CPLANE1: variants seen among roughly 807,000 people sequenced by gnomAD.
The protein encoded by CPLANE1 is ciliogenesis and planar polarity effector 1.
CPLANE1 carries 263 observed loss-of-function variants against 362.5 expected under a neutral mutation model. The observed-to-expected ratio is 0.73, with a 90% CI of 0.66 to 0.80. The LOEUF (loss-of-function observed/expected upper bound fraction) is 0.80, where lower values mean the gene tolerates loss of function less well. CPLANE1 is among the 30% of genes least tolerant of loss of function. The pLI is 0.00. For missense variants in CPLANE1, 3,461 were observed against 3,793.4 expected, an observed-to-expected ratio of 0.91 and a Z score of 2.30; for synonymous variants, 1,212 against 1,302.6, an observed-to-expected ratio of 0.93 and a Z score of 1.50.
At position 37,122,688 on chromosome 5, in the gene CPLANE1, C is replaced by T. The variant is rs10078858; in HGVS notation, c.8959-200G>A. Among the ~76,000 whole-genome samples, 2,106 of 152,000 alleles carry T rather than the reference C, an allele frequency of 0.014. 52 individuals carry two copies. The highest frequency in any genetic ancestry group is 0.048 in the African/African-American group (1,973 of 41,490). On this transcript the variant is annotated intron_variant, in intron 47 of 52. Transcript: ENST00000651892. ...ACCAATTTAGGGAGGCTGCGGCGGG[C>T]GGATCACCTGAGGTCAGGAGTTCAT...
rs144467995 is a variant in CPLANE1, at chr5:37,108,460, G to C, written c.9412C>G (p.Pro3138Ala). Residue 3138 changes from proline to alanine, a missense_variant, in exon 52 of 53, where the codon CCG becomes GCG. Pro to Ala is a conservative substitution (Grantham distance 27). This residue lies in a region of CPLANE1 where 3,380 missense variants were observed against 3,666.1 expected (regional missense o/e 0.92). Transcript: ENST00000651892. ...TTTGTATGCTGCAGACTATGACACG[G>C]AGCATTAGAGCCTTTTAAGGGATAA... ...PVTFQKGSNA[P>A]CHSLQHTKKH... 83 of 1,612,404 alleles carry C rather than the reference G, an allele frequency of 5.1e-5. No individual in the cohort carries two copies. The highest frequency in any genetic ancestry group is 6.5e-5 in the Non-Finnish European group (77 of 1,179,640).
At chr5:37,098,733 T>C in the CPLANE1 span, among the ~76,000 whole-genome samples, 1,075 of 151,642 alleles carry the variant, frequency 7.1e-3, 17 homozygotes, top group African/African-American at 0.024. Flanking sequence ...AAGAGAAACT[T>C]TGGAAATGGT....
chr5:37,132,501 C>T (rs192889470), intron 46 of CPLANE1, among the ~76,000 whole-genome samples: 63 of 152,056 alleles, frequency 4.1e-4, no homozygotes, highest in Admixed American at 2.4e-3. Context: ...CCCGCCACCA[C>T]GCCCGGCTAA....
chr5:37,098,390 CAAA>C, the CPLANE1 span, among the ~76,000 whole-genome samples: 3 of 37,626 alleles, frequency 8.0e-5, no homozygotes, highest in Non-Finnish European at 1.0e-4. Flanking sequence ...AACTCCGTCT[CAAA>C]AAAAAAAAAA....
At chr5:37,093,567 AC>A in the CPLANE1 span, among the ~76,000 whole-genome samples, 4 of 152,030 alleles carry the variant, frequency 2.6e-5, no homozygotes, top group Non-Finnish European at 5.9e-5. Context: ...TCCTGGTTAG[AC>A]CCCCACTCCT....
intron 46 of CPLANE1, among the ~76,000 whole-genome samples, chr5:37,134,766 A>G (rs1767082581): frequency 6.9e-6 from 1 of 145,386 alleles, no homozygotes; most frequent in Admixed American, 6.9e-5. Context: ...ACTTTTTGAT[A>G]TAGGTGTTTA....
chr5:37,203,975 CTTTA>C (rs1171700904), intron 18 of CPLANE1, among the ~76,000 whole-genome samples: 12 of 152,184 alleles, frequency 7.9e-5, no homozygotes, highest in African/African-American at 2.9e-4. Context: ...ATTCCCCTTA[CTTTA>C]TTTAAAGCTT....
intron 6 of CPLANE1, among the ~76,000 whole-genome samples, chr5:37,241,628 T>C (rs549627036): frequency 1.1e-4 from 16 of 152,120 alleles, no homozygotes; most frequent in Non-Finnish European, 2.2e-4. Flanking sequence ...TCTTATTTTA[T>C]TTATTTATTT....
intron 44 of CPLANE1, chr5:37,140,444 C>G (rs1769330694): frequency 2.0e-6 from 2 of 984,984 alleles, no homozygotes; most frequent in South Asian, 4.7e-5. Context: ...TTCAATTTAA[C>G]TAAGAGAGAA....
Position 37,221,308 on chromosome 5 carries a change from A to G in CPLANE1, c.2746+16T>C, listed in dbSNP as rs1795310078. 2 of 1,277,254 alleles carry G rather than the reference A, an allele frequency of 1.6e-6. No individual in the cohort carries two copies. The highest frequency in any genetic ancestry group is 2.1e-6 in the Non-Finnish European group (2 of 961,534). 79.1% of individuals were successfully genotyped at this position (1,277,254 alleles called of 1,614,324 possible). ...TCTCTTTTTAAAAATACAAAGAAAG[A>G]AAAAAAAAAGCATACCTGAAAAATC... is the stretch of plus-strand genomic sequence containing the variant. On this transcript the variant is annotated intron_variant, in intron 15 of 52. Transcript: ENST00000651892.
chr5:37,244,706 T>C (rs1738924536), intron 4 of CPLANE1, 99 bp from the exon 5 acceptor site: 2 of 758,208 alleles, frequency 2.6e-6, no homozygotes, highest in Non-Finnish European at 4.2e-6. Flanking sequence ...AAAAAACAAA[T>C]AATGTTACCA....
chr5:37,164,469 T>G (rs1777720185), intron 36 of CPLANE1, 142 bp from the exon 37 acceptor site: 3 of 610,944 alleles, frequency 4.9e-6, no homozygotes, highest in South Asian at 2.3e-5. Context: ...TTCTATCAAA[T>G]TATTTACTCT....
In CPLANE1 at chr5:37,226,771, A is replaced by C. The variant is rs1338159128; in HGVS notation, c.1824T>G (p.Ile608Met). Residue 608 changes from isoleucine (I) to methionine (M), a missense_variant, in exon 12 of 53, where the codon ATT becomes ATG. Ile to Met is a conservative substitution (Grantham distance 10, BLOSUM62 1). Coordinates refer to ENST00000651892, the MANE Select transcript of CPLANE1 (RefSeq NM_001384732.1). ...IVVCITHFFY[I>M]LQFIKCPFPK... Reference sequence around the variant, plus strand: ...GAAAAGGACATTTTATAAATTGAAGAATGTAAAAAAAATGAGTGATACAAA... The same window carrying C: ...GAAAAGGACATTTTATAAATTGAAGCATGTAAAAAAAATGAGTGATACAAA... 6.5e-7 allele frequency: 1 copy of C among 1,542,140 alleles called. No homozygotes were observed. Among genetic ancestry groups the C allele is most frequent in the Non-Finnish European group, 8.7e-7 (1 of 1,143,498 alleles).
intron 15 of CPLANE1, among the ~76,000 whole-genome samples, chr5:37,218,485 T>C (rs1396852245): frequency 1.3e-5 from 2 of 152,188 alleles, no homozygotes; most frequent in Admixed American, 1.3e-4. Context: ...CCTTTTCCCT[T>C]TGCTGATTTT....
intron 46 of CPLANE1, among the ~76,000 whole-genome samples, chr5:37,128,140 A>T (rs1003114312): frequency 2.0e-5 from 3 of 152,104 alleles, no homozygotes; most frequent in South Asian, 2.1e-4. Flanking sequence ...ATTACAAAAA[A>T]TTTTTTTTGA....
intron 50 of CPLANE1, among the ~76,000 whole-genome samples, chr5:37,115,973 T>C (rs534040207): frequency 6.8e-4 from 104 of 151,834 alleles, no homozygotes; most frequent in Non-Finnish European, 1.2e-3. Flanking sequence ...GAACTAAACA[T>C]AAAACAAGCA....
At chr5:37,175,767 A>G in intron 31 of CPLANE1, 142 bp downstream of exon 31, 1 of 620,060 alleles carries the variant, frequency 1.6e-6, no homozygotes, top group East Asian at 2.6e-5. Flanking sequence ...TGCTCTTTCA[A>G]TGTTTTATGT....
intron 50 of CPLANE1, among the ~76,000 whole-genome samples, chr5:37,118,119 G>C (rs1446390659): frequency 6.6e-6 from 1 of 152,116 alleles, no homozygotes; most frequent in Non-Finnish European, 1.5e-5. Flanking sequence ...AGCTGGTCAG[G>C]CATGATAGCT....
intron 30 of CPLANE1, among the ~76,000 whole-genome samples, chr5:37,176,530 C>A (rs1580438198): frequency 6.6e-6 from 1 of 151,858 alleles, no homozygotes; most frequent in East Asian, 1.9e-4. Flanking sequence ...CACAGCAAGA[C>A]CCTGTTTCCA....
Sources: gnomAD v4.1 joint callset for allele counts (sites outside exome capture counted in the v4.1 genomes callset) on GRCh38, gnomAD v4.1.1 for gene constraint, gnomAD v4.1.1 regional missense constraint, MANE v1.5 for transcripts, NCBI Gene and HGNC (gene_info 2026-07-23, HGNC 2026-07-21) for gene names.